The following FGGY variants were observed in gnomAD, a reference collection of about 807,000 sequenced individuals.
FGGY encodes FGGY carbohydrate kinase domain-containing protein.
Under a neutral mutation model 71.3 loss-of-function variants are expected in FGGY, and 72 were observed. The observed-to-expected ratio is 1.01, with a 90% CI of 0.84 to 1.23. The LOEUF (loss-of-function observed/expected upper bound fraction) is 1.23, where lower values mean the gene tolerates loss of function less well. Among genes scored for constraint, FGGY ranks in the 50% most tolerant of loss-of-function variants. FGGY has a pLI of 0.00. For synonymous variants in FGGY, 251 were observed against 250.3 expected (o/e 1.00, Z -0.02); for missense variants, 668 against 682.3 (o/e 0.98, Z 0.23).
At chr1:59,641,820 G>A (rs1327110236) in intron 11 of FGGY, among the ~76,000 whole-genome samples, 1 of 152,194 alleles carries the variant, frequency 6.6e-6, no homozygotes, top group Non-Finnish European at 1.5e-5. Context: ...ACAAAGTCAT[G>A]TGTGATCCAC....
intron 2 of FGGY, among the ~76,000 whole-genome samples, chr1:59,328,458 G>A (rs1013297382): frequency 6.6e-6 from 1 of 152,172 alleles, no homozygotes; most frequent in Non-Finnish European, 1.5e-5. Flanking sequence ...TCTGGATTAA[G>A]CTTTGACTTA....
intron 11 of FGGY, among the ~76,000 whole-genome samples, chr1:59,645,675 G>T (rs906716695): frequency 6.6e-6 from 1 of 152,132 alleles, no homozygotes; most frequent in Non-Finnish European, 1.5e-5. Flanking sequence ...AAAAATTGGC[G>T]TGGCCTTTGT....
chr1:59,616,402 G>A (rs1195486105), intron 9 of FGGY, among the ~76,000 whole-genome samples: 1 of 152,114 alleles, frequency 6.6e-6, no homozygotes. Flanking sequence ...GACACTGCAT[G>A]TTCTCACTCA....
intron 5 of FGGY, among the ~76,000 whole-genome samples, chr1:59,403,786 G>A (rs566601752): frequency 6.6e-6 from 1 of 152,320 alleles, no homozygotes; most frequent in South Asian, 2.1e-4. Flanking sequence ...TCTGATGTGG[G>A]CTCTGGAGCC....
intron 5 of FGGY, among the ~76,000 whole-genome samples, chr1:59,410,036 G>A (rs1276075263): frequency 2.0e-5 from 3 of 152,148 alleles, no homozygotes; most frequent in East Asian, 1.9e-4. Flanking sequence ...CTTATGCCAT[G>A]CCCACTACAC....
Position 59,422,329 on chromosome 1 carries a change from C to A in FGGY, c.555-34632C>A, listed in dbSNP as rs186425219. 1.6e-3 allele frequency among the ~76,000 whole-genome samples: 241 copies of A among 152,222 alleles called. 2 individuals carry two copies. Among genetic ancestry groups the A allele is most frequent in the African/African-American group, 5.7e-3 (236 of 41,516 alleles). On this transcript the variant is annotated intron_variant, in intron 5 of 15. Transcript: ENST00000303721. Reference sequence around the variant, plus strand: ...TCAGGAGCAGATTGAGGTTGTATTTCCATATAGTCCTACCTTGTAAAAAAT... The same window carrying A: ...TCAGGAGCAGATTGAGGTTGTATTTACATATAGTCCTACCTTGTAAAAAAT...
At chr1:59,534,683 T>A (rs2095262736) in intron 7 of FGGY, among the ~76,000 whole-genome samples, 1 of 151,902 alleles carries the variant, frequency 6.6e-6, no homozygotes, top group Admixed American at 6.6e-5. Flanking sequence ...TATTCAACAT[T>A]CTTAAAGAAA....
At chr1:59,433,000 A>T (rs17119450) in intron 5 of FGGY, among the ~76,000 whole-genome samples, 9,948 of 152,282 alleles carry the variant, frequency 0.065, 398 homozygotes, top group African/African-American at 0.11. Context: ...CTCCCACAAG[A>T]TTCAGAACTT....
chr1:59,573,623 A>G (rs2096026981), intron 8 of FGGY, among the ~76,000 whole-genome samples: 1 of 152,194 alleles, frequency 6.6e-6, no homozygotes, highest in Non-Finnish European at 1.5e-5. Flanking sequence ...CATTTGTAAT[A>G]AAACATTTTA....
At chr1:59,439,363 T>C (rs1038826196) in intron 5 of FGGY, among the ~76,000 whole-genome samples, 1 of 152,216 alleles carries the variant, frequency 6.6e-6, no homozygotes, top group Non-Finnish European at 1.5e-5. Flanking sequence ...TTTAATACTG[T>C]ACTTTTGTCG....
intron 14 of FGGY, chr1:59,755,661 AG>A (rs1236859785): frequency 6.6e-6 from 1 of 152,250 alleles, no homozygotes; most frequent in East Asian, 1.9e-4. Flanking sequence ...TTTTAAAACA[AG>A]CAAAGGTAAT....
chr1:59,358,821 A>G (rs984640179), intron 4 of FGGY, among the ~76,000 whole-genome samples: 1 of 152,248 alleles, frequency 6.6e-6, no homozygotes, highest in Non-Finnish European at 1.5e-5. Flanking sequence ...ACTTTATTAA[A>G]TATCCACTGT....
At chr1:59,504,878 T>C (rs1051966648) in intron 6 of FGGY, among the ~76,000 whole-genome samples, 7 of 152,166 alleles carry the variant, frequency 4.6e-5, no homozygotes, top group African/African-American at 1.2e-4. Context: ...TCTCTCGTCT[T>C]AAAAAAACTA....
At chr1:59,604,815 A>G (rs1441127780) in intron 8 of FGGY, among the ~76,000 whole-genome samples, 1 of 152,218 alleles carries the variant, frequency 6.6e-6, no homozygotes, top group Admixed American at 6.5e-5. Flanking sequence ...CAAGACACAG[A>G]AAGAGATGAC....
At chr1:59,425,596 A>G (rs78113868) in intron 5 of FGGY, among the ~76,000 whole-genome samples, 4 of 152,122 alleles carry the variant, frequency 2.6e-5, no homozygotes, top group Admixed American at 2.6e-4. Context: ...GCTCTGCCTC[A>G]TGCCTGTGTT....
At chr1:59,578,266 G>A (rs2096120129) in intron 8 of FGGY, among the ~76,000 whole-genome samples, 1 of 152,124 alleles carries the variant, frequency 6.6e-6, no homozygotes, top group Admixed American at 6.5e-5. Context: ...ATCACCTGAA[G>A]GCCAGGACTG....
chr1:59,362,327 C>T (rs764397588), intron 4 of FGGY, among the ~76,000 whole-genome samples: 4 of 152,080 alleles, frequency 2.6e-5, no homozygotes, highest in East Asian at 1.9e-4. Context: ...GGAACACATC[C>T]TCCTGCCTCC....
intron 7 of FGGY, among the ~76,000 whole-genome samples, chr1:59,516,460 TG>T (rs146734734): frequency 6.6e-6 from 1 of 152,356 alleles, no homozygotes; most frequent in East Asian, 1.9e-4. Flanking sequence ...AGCTAATCCC[TG>T]AGACATATTG....
chr1:59,662,319 C>CAA (rs372754171), intron 12 of FGGY, among the ~76,000 whole-genome samples: 15 of 101,138 alleles, frequency 1.5e-4, no homozygotes, highest in Admixed American at 4.8e-4. Flanking sequence ...GACTCCATCT[C>CAA]AAAAAAAAAA....
Sources: allele counts gnomAD v4.1 joint callset (sites outside exome capture counted in the v4.1 genomes callset), GRCh38; gene constraint gnomAD v4.1.1; transcripts MANE v1.5; gene names NCBI Gene and HGNC (gene_info 2026-07-23, HGNC 2026-07-21).